KLHL15: variants seen among roughly 807,000 people sequenced by gnomAD.
KLHL15 encodes kelch like family member 15, also known as kelch-like protein 15.
In KLHL15, 1 loss-of-function variant was observed where a neutral mutation model predicts 29.3. The ratio of observed to expected loss-of-function variants is 0.03; its 90% CI spans 0.01 to 0.16. The LOEUF is 0.16. Among genes scored for constraint, KLHL15 ranks in the 10% least tolerant of loss-of-function variants. The probability of loss-of-function intolerance (pLI) is 1.00; values close to 1 mark genes in which losing one functional copy is unlikely to be tolerated. For missense variants in KLHL15, 215 were observed against 478.5 expected (o/e 0.45, Z 5.14); for synonymous variants, 212 against 184.5 (o/e 1.15, Z -1.21).
rs1929893493 is a variant in KLHL15, at chrX:24,025,069, A to C, written c.-209-11T>G. 1 of 296,323 alleles carries C rather than the reference A, an allele frequency of 3.4e-6. No individual in the cohort carries two copies. Among genetic ancestry groups the C allele is most frequent in the Admixed American group, 6.1e-5 (1 of 16,501 alleles). The allele number at this position is 296,323 out of a possible 1,213,427, so 24.4% of individuals were successfully genotyped here. ...CCCTCTGGATAAGTCCTGGGAAAGA[A>C]GACAGCGCTGAGTCGAGAAACCAGA... On this transcript the variant is annotated splice_polypyrimidine_tract_variant and intron_variant, in intron 1 of 3. Transcript: ENST00000328046.
chrX:24,016,764 A>C (rs1406627016), intron 2 of KLHL15, among the ~76,000 whole-genome samples: 1 of 111,762 alleles, frequency 8.9e-6, no homozygotes, highest in Non-Finnish European at 1.9e-5. Flanking sequence ...AGTACAGTGC[A>C]TGGACCTTAA....
intron 3 of KLHL15, among the ~76,000 whole-genome samples, chrX:24,001,169 A>G (rs1258559469): frequency 8.9e-6 from 1 of 112,089 alleles, no homozygotes; most frequent in Non-Finnish European, 1.9e-5. Context: ...GAATACTTCT[A>G]TATAATCTAC....
intron 3 of KLHL15, among the ~76,000 whole-genome samples, chrX:23,999,512 A>G (rs377686052): frequency 1.7e-4 from 18 of 105,376 alleles, no homozygotes; most frequent in African/African-American, 5.4e-4. Flanking sequence ...GGAGAATGGC[A>G]TGAACCTGGG....
At chrX:24,023,607 A>T (rs1435487752) in intron 2 of KLHL15, among the ~76,000 whole-genome samples, 1 of 111,999 alleles carries the variant, frequency 8.9e-6, no homozygotes, top group African/African-American at 3.2e-5. Context: ...GATCAATACT[A>T]ATCTGTTACA....
chrX:23,985,573 C>T lies in KLHL15; in HGVS notation c.*2348G>A, dbSNP rs1033483831. 5.3e-5 allele frequency: 6 copies of T among 112,379 alleles called. No individual in the cohort carries two copies. Among genetic ancestry groups the T allele is most frequent in the Non-Finnish European group, 1.1e-4 (6 of 53,234 alleles). The allele number at this position is 112,379 out of a possible 1,213,427, so 9.3% of individuals were successfully genotyped here. A position where few individuals can be genotyped will look rare whatever the true frequency, so the allele number is the denominator to read the frequency against. On this transcript the variant is annotated 3_prime_UTR_variant, in exon 4 of 4. Coordinates refer to ENST00000328046, the MANE Select transcript of KLHL15 (RefSeq NM_030624.3). ...CCGACGTGACTTACGTAAAGCTGAA[C>T]CCAGAGTTAGTTCAAGTTAAGATTT...
At chrX:24,020,945 A>T (rs981167016) in intron 2 of KLHL15, among the ~76,000 whole-genome samples, 3 of 112,003 alleles carry the variant, frequency 2.7e-5, no homozygotes, top group Non-Finnish European at 5.6e-5. Flanking sequence ...TCATTAACTA[A>T]ATTCAAAGAT....
intron 3 of KLHL15, among the ~76,000 whole-genome samples, chrX:23,991,817 T>C (rs868444640): frequency 1.8e-5 from 2 of 111,791 alleles, no homozygotes; most frequent in Middle Eastern, 4.6e-3. Flanking sequence ...CCAACCTGGG[T>C]GACAGAGCAA....
chrX:24,004,264 G>A (rs1256721234), intron 3 of KLHL15, among the ~76,000 whole-genome samples: 3 of 111,353 alleles, frequency 2.7e-5, no homozygotes, highest in African/African-American at 9.8e-5. Flanking sequence ...GCTGAGGCAT[G>A]AGAATTGCTG....
intron 3 of KLHL15, among the ~76,000 whole-genome samples, chrX:24,001,180 T>C (rs1929307515): frequency 8.9e-6 from 1 of 112,026 alleles, no homozygotes; most frequent in South Asian, 3.6e-4. Flanking sequence ...TATAATCTAC[T>C]TCCTTAATAG....
chrX:24,020,819 T>C (rs1259670052), intron 2 of KLHL15, among the ~76,000 whole-genome samples: 1 of 112,001 alleles, frequency 8.9e-6, no homozygotes, highest in Admixed American at 9.5e-5. Context: ...AAATCACAAA[T>C]ACTGTAATGT....
chrX:24,013,324 G>C (rs1482547457), intron 2 of KLHL15, among the ~76,000 whole-genome samples: 1 of 110,849 alleles, frequency 9.0e-6, no homozygotes, highest in East Asian at 2.8e-4. Context: ...ATGCAGTGGT[G>C]CGATCTCCAC....
At chrX:24,000,828 C>CCA (rs1317290430) in intron 3 of KLHL15, among the ~76,000 whole-genome samples, 1 of 112,305 alleles carries the variant, frequency 8.9e-6, no homozygotes, top group Non-Finnish European at 1.9e-5. Context: ...GTGGCTTTGC[C>CCA]CAGGCAATTT....
At chrX:24,006,963 G>A (rs1263576256) in intron 2 of KLHL15, among the ~76,000 whole-genome samples, 1 of 109,427 alleles carries the variant, frequency 9.1e-6, no homozygotes, top group South Asian at 3.9e-4. Flanking sequence ...CAGGAAGATC[G>A]CTTGAGCCCA....
At chrX:24,024,830 G>A (rs1335393978) in intron 2 of KLHL15, 27 bp downstream of exon 2, 1 of 296,446 alleles carries the variant, frequency 3.4e-6, no homozygotes, top group Non-Finnish European at 5.9e-6. Context: ...GGGCTCCGCA[G>A]GCCGGCGGCC....
At chrX:24,018,606 A>G (rs1175491732) in intron 2 of KLHL15, among the ~76,000 whole-genome samples, 1 of 111,741 alleles carries the variant, frequency 8.9e-6, no homozygotes, top group Non-Finnish European at 1.9e-5. Context: ...GGGATTCTCA[A>G]AGCATGATCT....
chrX:23,994,716 A>C (rs1238249300), intron 3 of KLHL15, among the ~76,000 whole-genome samples: 1 of 112,274 alleles, frequency 8.9e-6, no homozygotes, highest in African/African-American at 3.2e-5. Flanking sequence ...CTTGGAAAGA[A>C]TGTTACTACT....
intron 2 of KLHL15, among the ~76,000 whole-genome samples, chrX:24,023,554 T>A (rs1316728918): frequency 2.7e-5 from 3 of 112,476 alleles, no homozygotes; most frequent in Non-Finnish European, 5.6e-5. Context: ...TGTGGACCAT[T>A]TAAGCCAAAC....
At chrX:23,993,943 G>A (rs1284354672) in intron 3 of KLHL15, among the ~76,000 whole-genome samples, 1 of 107,995 alleles carries the variant, frequency 9.3e-6, no homozygotes. Flanking sequence ...CTACTCGGGA[G>A]GATGAAGTGG....
At chrX:24,008,317 T>C (rs1347953507) in intron 2 of KLHL15, among the ~76,000 whole-genome samples, 3 of 111,998 alleles carry the variant, frequency 2.7e-5, no homozygotes, top group Non-Finnish European at 5.6e-5. Context: ...CTCGGCTCAC[T>C]ACAACCTCCG....
Sources: allele counts gnomAD v4.1 joint callset (sites outside exome capture counted in the v4.1 genomes callset), GRCh38; gene constraint gnomAD v4.1.1; transcripts MANE v1.5; gene names NCBI Gene and HGNC (gene_info 2026-07-23, HGNC 2026-07-21).